The following PKNOX2 variants were observed in gnomAD, a reference collection of about 807,000 sequenced individuals.
PKNOX2 encodes the protein PBX/knotted 1 homeobox 2.
A neutral mutation model predicts 53.1 loss-of-function variants in PKNOX2; 14 were observed. The observed-to-expected ratio is 0.26, with a 90% confidence interval of 0.17 to 0.41. The LOEUF is 0.41. PKNOX2 is among the 10% of genes least tolerant of loss of function. PKNOX2 has a pLI of 1.00. For synonymous variants in PKNOX2, 257 were observed against 242.8 expected (o/e 1.06, Z -0.54); for missense variants, 496 against 602.8 (o/e 0.82, Z 1.85).
intron 3 of PKNOX2, among the ~76,000 whole-genome samples, chr11:125,348,322 G>T (rs1306513304): frequency 1.3e-5 from 2 of 152,194 alleles, no homozygotes; most frequent in Admixed American, 1.3e-4. Flanking sequence ...AGCTCCCGGA[G>T]TGTCAAGTTG....
At chr11:125,329,009 C>T (rs1949998462) in intron 2 of PKNOX2, among the ~76,000 whole-genome samples, 1 of 152,112 alleles carries the variant, frequency 6.6e-6, no homozygotes, top group Non-Finnish European at 1.5e-5. Flanking sequence ...GAAACTTATC[C>T]TAAGAAAATG....
chr11:125,296,646 T>A (rs1214456784), intron 2 of PKNOX2, among the ~76,000 whole-genome samples: 2 of 152,182 alleles, frequency 1.3e-5, no homozygotes, highest in Non-Finnish European at 2.9e-5. Flanking sequence ...TTATTTATTT[T>A]TATTTTTGGA....
In PKNOX2 at chr11:125,397,888, C is replaced by G; in HGVS notation, c.414C>G (p.Ile138Met). The change falls in exon 7 of 13, where the codon ATC becomes ATG. Residue 138 changes from isoleucine (I) to methionine (M), a missense_variant. Ile to Met is a conservative substitution (Grantham distance 10). Around this residue, in one of 5 missense-constraint regions of PKNOX2, gnomAD observed 168 missense variants for 178.4 expected, o/e 0.94. Transcript: ENST00000298282. ...PELDNLMVKAIQVLRIHLLEL... is the reference protein window; with the variant it reads ...PELDNLMVKAMQVLRIHLLEL... Reference sequence around the variant, plus strand: ...CCTCTCCACAGATGGTGAAGGCAATCCAGGTCCTGAGAATCCACCTGCTGG... The same window carrying G: ...CCTCTCCACAGATGGTGAAGGCAATGCAGGTCCTGAGAATCCACCTGCTGG... 6.2e-7 allele frequency: 1 copy of G among 1,611,532 alleles called. No individual in the cohort carries two copies. The highest frequency in any genetic ancestry group is 8.5e-7 in the Non-Finnish European group (1 of 1,178,806).
At chr11:125,261,066 A>G (rs998143301) in intron 2 of PKNOX2, among the ~76,000 whole-genome samples, 1 of 152,110 alleles carries the variant, frequency 6.6e-6, no homozygotes, top group South Asian at 2.1e-4. Context: ...TGAGATACTG[A>G]TTGTGGTAAT....
intron 1 of PKNOX2, among the ~76,000 whole-genome samples, chr11:125,216,413 A>G (rs1358086095): frequency 6.6e-6 from 1 of 152,132 alleles, no homozygotes; most frequent in Non-Finnish European, 1.5e-5. Context: ...AAGAGGACAG[A>G]TAAACTCAGG....
At chr11:125,340,574 C>T (rs1262147340) in intron 3 of PKNOX2, among the ~76,000 whole-genome samples, 2 of 152,204 alleles carry the variant, frequency 1.3e-5, no homozygotes, top group African/African-American at 4.8e-5. Context: ...CCCGTATCTA[C>T]TGTTAGTGTC....
intron 6 of PKNOX2, among the ~76,000 whole-genome samples, chr11:125,396,002 G>GGA (rs1954370186): frequency 6.7e-6 from 1 of 150,216 alleles, no homozygotes; most frequent in African/African-American, 2.5e-5. Context: ...CGCCCAAGCT[G>GGA]GAGTGCAGTG....
intron 12 of PKNOX2, 91 bp from the exon 13 acceptor site, chr11:125,431,075 A>T: frequency 6.6e-7 from 1 of 1,503,920 alleles, no homozygotes; most frequent in South Asian, 1.3e-5. Context: ...TCACTGCTCT[A>T]TGAGCCAGTC....
chr11:125,335,910 G>A (rs757199753), intron 3 of PKNOX2, among the ~76,000 whole-genome samples: 1 of 152,194 alleles, frequency 6.6e-6, no homozygotes, highest in South Asian at 2.1e-4. Context: ...AGAGGACATG[G>A]AAGTGGGTGC....
At chr11:125,359,347 C>T (rs1250544742) in intron 4 of PKNOX2, among the ~76,000 whole-genome samples, 1 of 152,102 alleles carries the variant, frequency 6.6e-6, no homozygotes, top group Admixed American at 6.5e-5. Context: ...TATGGGGACC[C>T]ACCTTCCCTT....
chr11:125,330,970 A>G (rs1322086077), intron 2 of PKNOX2, among the ~76,000 whole-genome samples: 1 of 152,134 alleles, frequency 6.6e-6, no homozygotes, highest in Non-Finnish European at 1.5e-5. Flanking sequence ...GGTTCTCCCG[A>G]TGCTGCTCTG....
At chr11:125,229,962 A>G (rs1942061440) in intron 1 of PKNOX2, among the ~76,000 whole-genome samples, 2 of 152,208 alleles carry the variant, frequency 1.3e-5, no homozygotes, top group Admixed American at 1.3e-4. Context: ...TTCCTCCCAT[A>G]TGGGATAAAT....
At chr11:125,265,204 G>C (rs1277754589) in intron 2 of PKNOX2, among the ~76,000 whole-genome samples, 1 of 151,894 alleles carries the variant, frequency 6.6e-6, no homozygotes, top group East Asian at 1.9e-4. Context: ...GGAGATTGCC[G>C]TGAACCCAGG....
intron 10 of PKNOX2, among the ~76,000 whole-genome samples, chr11:125,421,233 T>C (rs621173): frequency 0.77 from 116,997 of 152,200 alleles, 45,574 homozygotes; most frequent in South Asian, 0.84. Context: ...GACACTCGAG[T>C]GGCTCAAGAG....
chr11:125,217,946 G>C (rs549531365), intron 1 of PKNOX2, among the ~76,000 whole-genome samples: 1 of 152,284 alleles, frequency 6.6e-6, no homozygotes, highest in South Asian at 2.1e-4. Context: ...ACTTTCTGTT[G>C]CACTGGATGA....
intron 4 of PKNOX2, among the ~76,000 whole-genome samples, chr11:125,355,085 G>A (rs897183491): frequency 1.3e-5 from 2 of 151,978 alleles, no homozygotes; most frequent in African/African-American, 4.8e-5. Context: ...TGGCCAACAC[G>A]GTGAAACTCT....
rs1034715828 is a variant in PKNOX2 at position 125,432,327 on chromosome 11, C to G, written c.*935C>G. 5.2e-5 allele frequency: 8 copies of G among 152,884 alleles called. No homozygotes were observed. The highest frequency in any genetic ancestry group is 1.9e-4 in the African/African-American group (8 of 41,464). The allele number at this position is 152,884 out of a possible 1,614,324, so 9.5% of individuals were successfully genotyped here. On this transcript the variant is annotated 3_prime_UTR_variant, in exon 13 of 13. Coordinates refer to ENST00000298282, the MANE Select transcript of PKNOX2 (RefSeq NM_001382323.2). ...TTCAGAGAAGGTGAAACCAGGTTATCTGGGAATCTTTCCAGCCCGCAGGTC... is the reference window on the plus strand; with the variant it reads ...TTCAGAGAAGGTGAAACCAGGTTATGTGGGAATCTTTCCAGCCCGCAGGTC...
At chr11:125,418,822 T>C (rs1956022730) in intron 10 of PKNOX2, among the ~76,000 whole-genome samples, 1 of 152,080 alleles carries the variant, frequency 6.6e-6, no homozygotes, top group Admixed American at 6.5e-5. Flanking sequence ...CCTTTTTTCT[T>C]GTCATTATTC....
chr11:125,177,285 G>C (rs770214331), intron 1 of PKNOX2, among the ~76,000 whole-genome samples: 3 of 151,356 alleles, frequency 2.0e-5, no homozygotes, highest in Non-Finnish European at 4.4e-5. Flanking sequence ...AATTTGGAGG[G>C]GGGCAGCGAG....
Sources: gnomAD v4.1 joint callset for allele counts (sites outside exome capture counted in the v4.1 genomes callset) on GRCh38, gnomAD v4.1.1 for gene constraint, gnomAD v4.1.1 regional missense constraint, MANE v1.5 for transcripts, NCBI Gene and HGNC (gene_info 2026-07-23, HGNC 2026-07-21) for gene names.